The following CADPS variants were observed in gnomAD, a reference collection of about 807,000 sequenced individuals.
The protein encoded by CADPS is calcium dependent secretion activator, also known as calcium-dependent secretion activator 1.
In CADPS, 57 loss-of-function variants were observed where a neutral mutation model predicts 167.3. The ratio of observed to expected loss-of-function variants is 0.34; its 90% CI spans 0.28 to 0.42. The LOEUF is 0.42. CADPS is among the 20% of genes least tolerant of loss of function. The pLI is 1.00. For synonymous variants in CADPS, 676 were observed against 635.3 expected, an observed-to-expected ratio of 1.06 and a Z score of -0.96; for missense variants, 1,414 against 1,738.1, an observed-to-expected ratio of 0.81 and a Z score of 3.32.
At chr3:62,740,603 C>G (rs997181015) in intron 3 of CADPS, among the ~76,000 whole-genome samples, 1 of 152,098 alleles carries the variant, frequency 6.6e-6, no homozygotes, top group South Asian at 2.1e-4. Context: ...CACCTAATAC[C>G]TTCTCTGTGA....
chr3:62,480,414 C>G (rs1455103009), intron 22 of CADPS, among the ~76,000 whole-genome samples: 2 of 151,996 alleles, frequency 1.3e-5, no homozygotes, highest in Non-Finnish European at 2.9e-5. Context: ...TTTTTAGAAG[C>G]TTTTTTTCAG....
chr3:62,598,886 C>T (rs1199707872), intron 6 of CADPS, among the ~76,000 whole-genome samples: 1 of 152,152 alleles, frequency 6.6e-6, no homozygotes, highest in Non-Finnish European at 1.5e-5. Context: ...GACGTTGGGC[C>T]ACTCTGGCTT....
intron 28 of CADPS, among the ~76,000 whole-genome samples, chr3:62,424,763 C>T (rs1025434557): frequency 6.6e-6 from 1 of 152,134 alleles, no homozygotes; most frequent in Non-Finnish European, 1.5e-5. Flanking sequence ...TCAAGGCTTA[C>T]AAAAAATCAA....
chr3:62,612,161 T>C (rs2061592510), intron 6 of CADPS, among the ~76,000 whole-genome samples: 1 of 152,236 alleles, frequency 6.6e-6, no homozygotes, highest in South Asian at 2.1e-4. Flanking sequence ...TGGGAATCTC[T>C]TCTTTGCCAC....
At chr3:62,500,220 A>T (rs1341559058) in intron 17 of CADPS, 1 of 152,110 alleles carries the variant, frequency 6.6e-6, no homozygotes, top group Non-Finnish European at 1.5e-5. Flanking sequence ...CAGTGGTGCG[A>T]TCTCAGCTCA....
At chr3:62,852,209 C>A (rs1161275157) in intron 1 of CADPS, among the ~76,000 whole-genome samples, 1 of 150,942 alleles carries the variant, frequency 6.6e-6, no homozygotes, top group East Asian at 1.9e-4. Context: ...ACTTCTTTGC[C>A]TTTGATTTGA....
intron 3 of CADPS, among the ~76,000 whole-genome samples, 181 bp from the exon 4 acceptor site, chr3:62,662,575 C>T (rs963777607): frequency 6.6e-6 from 1 of 152,098 alleles, no homozygotes; most frequent in Non-Finnish European, 1.5e-5. Flanking sequence ...CTAGACAGAG[C>T]GTGATATGGT....
chr3:62,640,736 A>G (rs1246536166), intron 6 of CADPS, among the ~76,000 whole-genome samples: 1 of 152,178 alleles, frequency 6.6e-6, no homozygotes, highest in East Asian at 1.9e-4. Flanking sequence ...AATTCAGTAG[A>G]ATATAATTTC....
At chr3:62,727,147 G>T (rs960368636) in intron 3 of CADPS, among the ~76,000 whole-genome samples, 1 of 151,684 alleles carries the variant, frequency 6.6e-6, no homozygotes, top group Non-Finnish European at 1.5e-5. Flanking sequence ...AAAAGAAAGA[G>T]AATTGAGTGC....
At chr3:62,515,812 A>G (rs966438621) in intron 16 of CADPS, among the ~76,000 whole-genome samples, 16 of 152,130 alleles carry the variant, frequency 1.1e-4, no homozygotes, top group African/African-American at 3.4e-4. Flanking sequence ...TAGTTATCTG[A>G]TAACATCCTG....
At chr3:62,419,017 A>G (rs1419174443) in intron 28 of CADPS, among the ~76,000 whole-genome samples, 2 of 152,216 alleles carry the variant, frequency 1.3e-5, no homozygotes, top group Non-Finnish European at 1.5e-5. Flanking sequence ...CAAAATCAGG[A>G]AAACTCGATT....
chr3:62,550,621 T>C (rs2077172461), intron 10 of CADPS, among the ~76,000 whole-genome samples: 1 of 152,126 alleles, frequency 6.6e-6, no homozygotes, highest in Admixed American at 6.5e-5. Context: ...GTGCAGCATT[T>C]CTAACAAGCT....
intron 3 of CADPS, among the ~76,000 whole-genome samples, chr3:62,679,172 A>G (rs1280570339): frequency 6.6e-6 from 1 of 152,030 alleles, no homozygotes; most frequent in East Asian, 1.9e-4. Context: ...CCTTGTGTCT[A>G]GTTGAGCAGA....
At position 62,794,444 on chromosome 3, in the gene CADPS, A is replaced by C. The variant is rs187935043; in HGVS notation, c.442-28460T>G. 2.0e-5 allele frequency among the ~76,000 whole-genome samples: 3 copies of C among 152,310 alleles called. No individual in the cohort carries two copies. In the East Asian group the frequency reaches 5.8e-4, roughly 29 times the overall value. The stretch of plus-strand genomic sequence containing the variant: ...TATACAGATGAGGATATAAATACAC[A>C]TATATTTAGTAACTTGCAGAAAAAC... On this transcript the variant is annotated intron_variant, in intron 1 of 29. Coordinates refer to ENST00000383710, the MANE Select transcript of CADPS (RefSeq NM_003716.4).
chr3:62,398,926 TTTTG>T lies in CADPS; in HGVS notation c.*476_*479del. 6.6e-6 allele frequency: 1 copy of T among 152,532 alleles called. No individual in the cohort carries two copies. The highest frequency in any genetic ancestry group is 2.4e-5 in the African/African-American group (1 of 41,580). The allele number at this position is 152,532 out of a possible 1,614,324, so 9.4% of individuals were successfully genotyped here. A position where few individuals can be genotyped will look rare whatever the true frequency, so the allele number is the denominator to read the frequency against. On this transcript the variant is annotated 3_prime_UTR_variant, in exon 30 of 30. Transcript: ENST00000383710. ...AAAAGTTAATTGTTGGAGACTTGCC[TTTTG>T]TTTTTCAAAAAATAAAAATAAAAAC...
chr3:62,466,408 T>C lies in CADPS; in HGVS notation c.3483A>G (p.Gln1161=), dbSNP rs761815958. Residue 1161 remains glutamine (Q), a synonymous_variant, in exon 25 of 30, where the codon CAA becomes CAG. Transcript: ENST00000383710. ...TTAGTTCGTCTATTTTTGAATGGTA[T>C]TGATGCTAAGAACACAGAAAGACAA... ...LCSMEMGQEH[Q]YHSKIDELIE... 1.2e-6 allele frequency: 2 copies of C among 1,601,470 alleles called. No homozygotes were observed. Among genetic ancestry groups the C allele is most frequent in the Non-Finnish European group, 1.7e-6 (2 of 1,168,912 alleles).
intron 6 of CADPS, chr3:62,626,546 T>A: frequency 1.4e-6 from 1 of 702,888 alleles, no homozygotes; most frequent in East Asian, 2.7e-5. Context: ...TGTGAGGCAG[T>A]TGTTCTCTTC....
intron 18 of CADPS, chr3:62,498,225 A>T (rs1411296568): frequency 2.2e-6 from 1 of 456,534 alleles, no homozygotes. Context: ...GCAATCAGGC[A>T]TTAGTCGGGA....
chr3:62,612,314 G>A (rs2061612032), intron 6 of CADPS, among the ~76,000 whole-genome samples: 2 of 152,170 alleles, frequency 1.3e-5, no homozygotes, highest in Non-Finnish European at 2.9e-5. Context: ...AACACATAAA[G>A]CATTGGACGC....
Sources: allele counts gnomAD v4.1 joint callset (sites outside exome capture counted in the v4.1 genomes callset), GRCh38; gene constraint gnomAD v4.1.1; transcripts MANE v1.5; gene names NCBI Gene and HGNC (gene_info 2026-07-23, HGNC 2026-07-21).